The following SLC17A6 variants were observed in gnomAD, a reference collection of about 807,000 sequenced individuals.
SLC17A6 encodes solute carrier family 17 member 6.
Under a neutral mutation model 67.1 loss-of-function variants are expected in SLC17A6, and 35 were observed. The observed-to-expected ratio is 0.52, with a 90% CI of 0.40 to 0.69. The LOEUF (loss-of-function observed/expected upper bound fraction) is 0.69, where lower values mean the gene tolerates loss of function less well. Among genes scored for constraint, SLC17A6 ranks in the 30% least tolerant of loss-of-function variants. The pLI, the probability that SLC17A6 is intolerant of heterozygous loss-of-function variation, is 0.00. For synonymous variants in SLC17A6, 285 were observed against 252.3 expected, an observed-to-expected ratio of 1.13 and a Z score of -1.23; for missense variants, 588 against 723.9, an observed-to-expected ratio of 0.81 and a Z score of 2.15.
intron 1 of SLC17A6, among the ~76,000 whole-genome samples, chr11:22,339,168 A>ATATATATATGTTT (rs1855781353): frequency 1.7e-5 from 1 of 59,212 alleles, no homozygotes; most frequent in Non-Finnish European, 3.1e-5. Flanking sequence ...TATATATGTT[A>ATATATATATGTTT]TATATATATG....
In SLC17A6 at chr11:22,365,551, C is replaced by T; in HGVS notation, c.753C>T (p.Ser251=). 5 of 1,613,874 alleles carry T rather than the reference C, an allele frequency of 3.1e-6. No individual in the cohort carries two copies. Among genetic ancestry groups the T allele is most frequent in the Non-Finnish European group, 4.2e-6 (5 of 1,179,848 alleles). The change falls in exon 7 of 12, where the codon AGC becomes AGT. Residue 251 remains serine (S), a synonymous_variant. Transcript: ENST00000263160. ...GWSSVFYVYG[S]FGMVWYMFWL... ...CTTCTGAACTGTTGCTTGCAGGAAG[C>T]TTTGGAATGGTCTGGTACATGTTTT...
chr11:22,377,994 A>G lies in SLC17A6; in HGVS notation c.*254A>G, dbSNP rs1480844323. ...AGGTTGACTGGTCAAAATTGTAGAA[A>G]CAAGTAGTTACCCATTGGATTCATA... On this transcript the variant is annotated 3_prime_UTR_variant, in exon 12 of 12. Transcript: ENST00000263160. 2 of 495,234 alleles carry G rather than the reference A, an allele frequency of 4.0e-6. No individual in the cohort carries two copies. The highest frequency in any genetic ancestry group is 7.1e-6 in the Non-Finnish European group (2 of 283,470). 30.7% of individuals were successfully genotyped at this position (495,234 alleles called of 1,614,324 possible). A position where few individuals can be genotyped will look rare whatever the true frequency, so the allele number is the denominator to read the frequency against.
At chr11:22,376,407 G>T in intron 10 of SLC17A6, 138 bp from the exon 11 acceptor site, 5 of 907,686 alleles carry the variant, frequency 5.5e-6, no homozygotes, top group Non-Finnish European at 8.3e-6. Flanking sequence ...TTATATCCCC[G>T]AGAGAAATTA....
chr11:22,342,098 T>C (rs1855822118), intron 2 of SLC17A6, among the ~76,000 whole-genome samples: 1 of 152,214 alleles, frequency 6.6e-6, no homozygotes, highest in Non-Finnish European at 1.5e-5. Context: ...GTGTGTTTGT[T>C]TTACTTGGAT....
chr11:22,368,122 C>T (rs1267967914), intron 7 of SLC17A6, among the ~76,000 whole-genome samples: 1 of 152,032 alleles, frequency 6.6e-6, no homozygotes, highest in East Asian at 1.9e-4. Context: ...ACTTCATATG[C>T]ATATCTAGAA....
intron 3 of SLC17A6, among the ~76,000 whole-genome samples, chr11:22,357,531 G>C (rs963777589): frequency 3.3e-5 from 5 of 152,238 alleles, no homozygotes; most frequent in African/African-American, 1.2e-4. Flanking sequence ...ACAGTACACA[G>C]GACAGCACTC....
At chr11:22,373,405 T>C (rs1010839172) in intron 8 of SLC17A6, among the ~76,000 whole-genome samples, 8 of 152,152 alleles carry the variant, frequency 5.3e-5, no homozygotes, top group African/African-American at 1.9e-4. Context: ...ATTTACTCCA[T>C]ATTAAGAATA....
chr11:22,347,294 G>C (rs1855888527), intron 3 of SLC17A6, among the ~76,000 whole-genome samples: 1 of 151,844 alleles, frequency 6.6e-6, no homozygotes, highest in South Asian at 2.1e-4. Context: ...TGTAGGTTCA[G>C]GCTCTTGAAT....
chr11:22,350,818 A>T (rs1404829750), intron 3 of SLC17A6, among the ~76,000 whole-genome samples: 2 of 152,116 alleles, frequency 1.3e-5, no homozygotes, highest in African/African-American at 4.8e-5. Flanking sequence ...ACTATTTAGA[A>T]CTTCAATTTC....
chr11:22,378,409 C>T lies in SLC17A6; in HGVS notation c.*669C>T, dbSNP rs370795366. 1.4e-4 allele frequency: 21 copies of T among 152,528 alleles called. No homozygotes were observed. Among genetic ancestry groups the T allele is most frequent in the African/African-American group, 5.1e-4 (21 of 41,432 alleles). The allele number at this position is 152,528 out of a possible 1,614,324, so 9.4% of individuals were successfully genotyped here. On this transcript the variant is annotated 3_prime_UTR_variant, in exon 12 of 12. Coordinates refer to ENST00000263160, the MANE Select transcript of SLC17A6 (RefSeq NM_020346.3). ...GGGGTATGCTTCATGTTCTTCCATC[C>T]ATTTACCTAATAGTATGAAACAGTT...
chr11:22,343,203 G>T, intron 2 of SLC17A6, 44 bp from the exon 3 acceptor site: 1 of 1,510,988 alleles, frequency 6.6e-7, no homozygotes, highest in Non-Finnish European at 9.2e-7. Flanking sequence ...CTTTGGTACT[G>T]ACTCTACTCT....
intron 7 of SLC17A6, among the ~76,000 whole-genome samples, chr11:22,367,682 G>C (rs1211903338): frequency 1.3e-5 from 2 of 152,116 alleles, no homozygotes; most frequent in Non-Finnish European, 2.9e-5. Flanking sequence ...GAGGTCATAT[G>C]TCTAGATTAG....
At chr11:22,372,229 G>A (rs776478968) in intron 8 of SLC17A6, among the ~76,000 whole-genome samples, 10 of 151,482 alleles carry the variant, frequency 6.6e-5, no homozygotes, top group Admixed American at 2.0e-4. Context: ...AAATAAAATT[G>A]TAACATAGAT....
In SLC17A6 at chr11:22,338,542, C is replaced by G. The variant is rs1440272285; in HGVS notation, c.9C>G (p.Ser3=). The part of the protein sequence containing the change: ME[S]VKQRILAPGK... The stretch of plus-strand genomic sequence containing the variant: ...CAACAGTCTTTGCAAGAATGGAATC[C>G]GTAAAACAAAGGATTTTGGCCCCAG... The change falls in exon 1 of 12, where the codon TCC becomes TCG. Residue 3 remains serine (S), a synonymous_variant. Transcript: ENST00000263160. 9 of 1,612,266 alleles carry G rather than the reference C, an allele frequency of 5.6e-6. 1 individual carries two copies. Among genetic ancestry groups the G allele is most frequent in the South Asian group, 5.5e-5 (5 of 90,912 alleles).
rs763945621 is a variant in SLC17A6, at chr11:22,338,631, C to A, written c.86+12C>A. 2 of 1,596,322 alleles carry A rather than the reference C, an allele frequency of 1.3e-6. No homozygotes were observed. Among genetic ancestry groups the A allele is most frequent in the Admixed American group, 1.7e-5 (1 of 59,544 alleles). On this transcript the variant is annotated intron_variant, in intron 1 of 11. Coordinates refer to ENST00000263160, the MANE Select transcript of SLC17A6 (RefSeq NM_020346.3). ...GGCCAGATCTACAGGTAAGACAAAG[C>A]GAACACTTGCTTACCTGGGGCTCAG...
At chr11:22,375,144 G>T (rs1436336244) in intron 9 of SLC17A6, among the ~76,000 whole-genome samples, 1 of 151,984 alleles carries the variant, frequency 6.6e-6, no homozygotes, top group Non-Finnish European at 1.5e-5. Flanking sequence ...AGGCCAAGGT[G>T]GGTGGATCAC....
rs748238581 is a variant in SLC17A6, at chr11:22,376,103, A to T, written c.1285+11A>T. On this transcript the variant is annotated intron_variant, in intron 10 of 11. Coordinates refer to ENST00000263160, the MANE Select transcript of SLC17A6 (RefSeq NM_020346.3). ...GATTTGCTATATCTGGTAAGATATA[A>T]TTTTTTTTCTTTGTACTTGGGACAT... The T allele has an allele frequency of 1.3e-5, 20 of 1,587,212 alleles. No homozygotes were observed. The highest frequency in any genetic ancestry group is 1.1e-4 in the East Asian group (5 of 44,640).
chr11:22,349,931 A>G (rs904688578), intron 3 of SLC17A6, among the ~76,000 whole-genome samples: 6 of 152,120 alleles, frequency 3.9e-5, no homozygotes, highest in African/African-American at 1.4e-4. Context: ...GAGGTGAGGA[A>G]CACTAGTCTC....
chr11:22,367,444 C>T (rs891165236), intron 7 of SLC17A6, among the ~76,000 whole-genome samples: 1 of 152,078 alleles, frequency 6.6e-6, no homozygotes, highest in Non-Finnish European at 1.5e-5. Context: ...TAGAACTTTC[C>T]TCTTTGTGTT....
Sources: allele counts gnomAD v4.1 joint callset (sites outside exome capture counted in the v4.1 genomes callset), GRCh38; gene constraint gnomAD v4.1.1; transcripts MANE v1.5; gene names NCBI Gene and HGNC (gene_info 2026-07-23, HGNC 2026-07-21).